MRO: variants seen among roughly 807,000 people sequenced by gnomAD.
The protein encoded by MRO is maestro, also known as protein maestro.
Under a neutral mutation model 31.0 loss-of-function variants are expected in MRO, and 28 were observed. The ratio of observed to expected loss-of-function variants is 0.90; its 90% CI spans 0.67 to 1.24. The LOEUF is 1.24. Ranked by LOEUF, MRO falls within the 50% of genes most tolerant of loss-of-function variation. The pLI, the probability that MRO is intolerant of heterozygous loss-of-function variation, is 0.00. For synonymous variants in MRO, 108 were observed against 108.4 expected (o/e 1.00, Z 0.02); for missense variants, 332 against 289.2 (o/e 1.15, Z -1.07).
chr18:50,810,300 G>A (rs145236441), intron 2 of MRO, among the ~76,000 whole-genome samples: 5 of 152,234 alleles, frequency 3.3e-5, no homozygotes, highest in African/African-American at 7.2e-5. Flanking sequence ...ACTTTACAAC[G>A]ACTGCTATGC....
chr18:50,802,711 T>G (rs895694934), intron 5 of MRO, among the ~76,000 whole-genome samples: 1 of 141,392 alleles, frequency 7.1e-6, no homozygotes, highest in African/African-American at 3.0e-5. Flanking sequence ...AGGGTTTTTG[T>G]TTTTTTTTGT....
chr18:50,811,027 C>T (rs1914429089), intron 2 of MRO, among the ~76,000 whole-genome samples: 1 of 152,072 alleles, frequency 6.6e-6, no homozygotes. Context: ...GAAGCAGAGG[C>T]AGAGCGTATA....
At chr18:50,809,063 G>C (rs948748515) in intron 3 of MRO, among the ~76,000 whole-genome samples, 1 of 149,952 alleles carries the variant, frequency 6.7e-6, no homozygotes, top group East Asian at 2.0e-4. Flanking sequence ...GCGTGAACCC[G>C]GGAAGTGGAG....
chr18:50,803,594 G>A (rs1913624166), intron 5 of MRO, among the ~76,000 whole-genome samples: 1 of 152,172 alleles, frequency 6.6e-6, no homozygotes, highest in Non-Finnish European at 1.5e-5. Flanking sequence ...TCTCCCCGGA[G>A]ACATCTGCTT....
chr18:50,817,883 C>T (rs1915058416), intron 2 of MRO, among the ~76,000 whole-genome samples: 1 of 152,102 alleles, frequency 6.6e-6, no homozygotes, highest in Admixed American at 6.5e-5. Context: ...TGCTATTCTT[C>T]AGTTAAAAGT....
chr18:50,804,016 T>C (rs1230721265), intron 5 of MRO, among the ~76,000 whole-genome samples: 3 of 152,256 alleles, frequency 2.0e-5, no homozygotes, highest in Non-Finnish European at 4.4e-5. Flanking sequence ...CATCTGGTAG[T>C]TGAGTGTAGC....
chr18:50,801,656 G>A (rs1044743720), intron 5 of MRO, 152 bp from the exon 6 acceptor site: 1 of 761,854 alleles, frequency 1.3e-6, no homozygotes, highest in African/African-American at 1.7e-5. Context: ...TTACAGGGTG[G>A]GTGGTGAGAT....
At chr18:50,800,808 C>T (rs1913227048) in intron 6 of MRO, among the ~76,000 whole-genome samples, 1 of 151,056 alleles carries the variant, frequency 6.6e-6, no homozygotes, top group Non-Finnish European at 1.5e-5. Flanking sequence ...ATTGCTTGAA[C>T]CCCAGAGGCG....
intron 4 of MRO, among the ~76,000 whole-genome samples, chr18:50,805,722 A>T (rs1202544222): frequency 6.6e-6 from 1 of 152,096 alleles, no homozygotes; most frequent in Non-Finnish European, 1.5e-5. Context: ...AACATCTTTT[A>T]TGAAACAAAC....
At chr18:50,799,555 C>T (rs372909134) in intron 7 of MRO, among the ~76,000 whole-genome samples, 165 bp from the exon 8 acceptor site, 69 of 152,268 alleles carry the variant, frequency 4.5e-4, no homozygotes, top group African/African-American at 1.4e-3. Flanking sequence ...CGATATATCT[C>T]GTGCTTGATC....
At chr18:50,801,292 T>A in intron 6 of MRO, 57 bp downstream of exon 6, 3 of 1,463,456 alleles carry the variant, frequency 2.0e-6, no homozygotes, top group Non-Finnish European at 2.7e-6. Flanking sequence ...AACTCGCAAC[T>A]CCCTTTATGA....
Position 50,801,444 on chromosome 18 carries a change from C to T in MRO, c.490G>A (p.Gly164Arg), listed in dbSNP as rs528733574. The T allele has an allele frequency of 1.9e-4, 306 of 1,612,974 alleles. 2 individuals are homozygous for T. In the East Asian group the frequency reaches 6.5e-3, roughly 34 times the overall value. ...GTGAAAAATTTTTTCCATTTCCTCC[C>T]GGCAAAGGCAGCCAATTGCCCAAAC... ...VLFGQLAAFA[G>R]RKWKKFFTSQ... Residue 164 changes from glycine to arginine, a missense_variant, in exon 6 of 8, where the codon GGG becomes AGG. Gly to Arg is a moderately radical substitution (Grantham distance 125, BLOSUM62 -2). Transcript: ENST00000398439.
chr18:50,816,361 A>T (rs1270015228), intron 2 of MRO, among the ~76,000 whole-genome samples: 1 of 152,202 alleles, frequency 6.6e-6, no homozygotes, highest in East Asian at 1.9e-4. Flanking sequence ...TTTTCATTAC[A>T]TCAGGTATAT....
chr18:50,822,190 C>T (rs1915326474), upstream of MRO, among the ~76,000 whole-genome samples: 1 of 143,400 alleles, frequency 7.0e-6, no homozygotes, highest in Non-Finnish European at 1.6e-5. Context: ...CTGGGGCTGG[C>T]ACAACTGGAA....
upstream of MRO, among the ~76,000 whole-genome samples, chr18:50,822,548 G>A (rs1915343726): frequency 6.6e-6 from 1 of 152,068 alleles, no homozygotes; most frequent in African/African-American, 2.4e-5. Flanking sequence ...ATGTTGGCCA[G>A]GCTGGTCTCC....
At chr18:50,822,186 C>T (rs1432399273), upstream of MRO, among the ~76,000 whole-genome samples, 1 of 148,608 alleles carries the variant, frequency 6.7e-6, no homozygotes, top group Non-Finnish European at 1.5e-5. Flanking sequence ...TACACTGGGG[C>T]TGGCACAACT....
At chr18:50,815,949 G>A (rs370036221) in intron 2 of MRO, among the ~76,000 whole-genome samples, 1 of 152,086 alleles carries the variant, frequency 6.6e-6, no homozygotes, top group Non-Finnish European at 1.5e-5. Context: ...CACGAGAATC[G>A]CTTGAACCCG....
intron 2 of MRO, among the ~76,000 whole-genome samples, chr18:50,809,632 A>T (rs376457217): frequency 2.0e-5 from 3 of 152,192 alleles, no homozygotes; most frequent in African/African-American, 7.2e-5. Flanking sequence ...TCTGCCCTCT[A>T]GTTCCCCACT....
intron 5 of MRO, among the ~76,000 whole-genome samples, chr18:50,801,732 C>T (rs1008499493): frequency 2.6e-5 from 4 of 152,268 alleles, no homozygotes; most frequent in African/African-American, 9.6e-5. Flanking sequence ...CTTCAATGAA[C>T]CTCTTCTCCA....
Sources: gnomAD v4.1 joint callset for allele counts (sites outside exome capture counted in the v4.1 genomes callset) on GRCh38, gnomAD v4.1.1 for gene constraint, MANE v1.5 for transcripts, NCBI Gene and HGNC (gene_info 2026-07-23, HGNC 2026-07-21) for gene names.